YAP1: variants seen among roughly 807,000 people sequenced by gnomAD.
The protein encoded by YAP1 is Yes1 associated transcriptional regulator, also known as transcriptional coactivator YAP1.
Under a neutral mutation model 56.9 loss-of-function variants are expected in YAP1, and 5 were observed. The observed-to-expected ratio is 0.09, with a 90% confidence interval of 0.05 to 0.18. The LOEUF is 0.18. Ranked by LOEUF, YAP1 falls within the 10% of genes least tolerant of loss-of-function variation. YAP1 has a pLI of 1.00. For missense variants in YAP1, 539 were observed against 651.8 expected (o/e 0.83, Z 1.88); for synonymous variants, 265 against 248.1 (o/e 1.07, Z -0.64).
intron 3 of YAP1, among the ~76,000 whole-genome samples, chr11:102,180,949 C>T (rs143873275): frequency 0.044 from 6,655 of 151,646 alleles, 495 homozygotes; most frequent in African/African-American, 0.15. Context: ...GATTTCGAGA[C>T]CAGCCTGGGC....
At chr11:102,185,987 C>T in intron 3 of YAP1, 31 bp from the exon 4 acceptor site, 1 of 1,526,964 alleles carries the variant, frequency 6.5e-7, no homozygotes, top group Non-Finnish European at 8.8e-7. Flanking sequence ...AAATAAAAAC[C>T]ATGATTTTTT....
At chr11:102,186,650 C>G (rs1947964993) in intron 4 of YAP1, 1 of 152,524 alleles carries the variant, frequency 6.6e-6, no homozygotes, top group African/African-American at 2.4e-5. Context: ...TCTTCTGTCT[C>G]TCTCGAAAAA....
intron 2 of YAP1, among the ~76,000 whole-genome samples, chr11:102,138,316 C>G (rs1022481244): frequency 6.6e-6 from 1 of 152,210 alleles, no homozygotes; most frequent in African/African-American, 2.4e-5. Flanking sequence ...TCTGCTGATA[C>G]TGCCTGAAGT....
chr11:102,126,399 A>G (rs1309115525), intron 2 of YAP1, among the ~76,000 whole-genome samples: 50 of 152,178 alleles, frequency 3.3e-4, no homozygotes. Context: ...GTGGGAGGTA[A>G]TTGAATCACA....
At chr11:102,121,237 A>G (rs1305365968) in intron 2 of YAP1, among the ~76,000 whole-genome samples, 3 of 152,180 alleles carry the variant, frequency 2.0e-5, no homozygotes, top group Non-Finnish European at 4.4e-5. Context: ...CAGGAGTTGA[A>G]GACCAGCCTG....
rs1297627155 is a variant in YAP1 at position 102,231,230 on chromosome 11, C to G, written c.*1290C>G. 6.6e-6 allele frequency: 1 copy of G among 152,228 alleles called. No individual in the cohort carries two copies. The highest frequency in any genetic ancestry group is 2.4e-5 in the African/African-American group (1 of 41,454). The allele number at this position is 152,228 out of a possible 1,614,324, so 9.4% of individuals were successfully genotyped here. Reference sequence around the variant, plus strand: ...TCGATTGGAATTCAGTGAGTAGGTTCATAATGTGCATGACAGAAATAAGCT... The same window carrying G: ...TCGATTGGAATTCAGTGAGTAGGTTGATAATGTGCATGACAGAAATAAGCT... On this transcript the variant is annotated 3_prime_UTR_variant, in exon 9 of 9. Coordinates refer to ENST00000282441, the MANE Select transcript of YAP1 (RefSeq NM_001130145.3).
At chr11:102,132,065 C>T (rs1331597770) in intron 2 of YAP1, among the ~76,000 whole-genome samples, 2 of 152,040 alleles carry the variant, frequency 1.3e-5, no homozygotes, top group African/African-American at 4.8e-5. Flanking sequence ...TTGCAGTGAG[C>T]TGAGATCTCA....
intron 2 of YAP1, among the ~76,000 whole-genome samples, chr11:102,161,035 G>A (rs1327586968): frequency 6.9e-6 from 1 of 144,046 alleles, no homozygotes; most frequent in African/African-American, 2.6e-5. Context: ...CTTGGCCAGT[G>A]TCACCAATAA....
At chr11:102,186,376 C>T (rs983092542) in intron 4 of YAP1, 2 of 388,368 alleles carry the variant, frequency 5.1e-6, no homozygotes, top group Admixed American at 4.5e-5. Context: ...GGCCGACTAA[C>T]CAGAATCACT....
At chr11:102,111,266 G>C in intron 1 of YAP1, 97 bp downstream of exon 1, 3 of 1,460,404 alleles carry the variant, frequency 2.1e-6, no homozygotes, top group Non-Finnish European at 2.8e-6. Flanking sequence ...TCAGGGGAGG[G>C]GGGTTGCGGG....
At chr11:102,136,161 T>G (rs1278367597) in intron 2 of YAP1, among the ~76,000 whole-genome samples, 2 of 152,212 alleles carry the variant, frequency 1.3e-5, no homozygotes, top group East Asian at 3.9e-4. Context: ...TGGTTTTAAC[T>G]TACATTGCTT....
At chr11:102,156,460 T>C (rs560985373) in intron 2 of YAP1, among the ~76,000 whole-genome samples, 2 of 152,252 alleles carry the variant, frequency 1.3e-5, no homozygotes, top group African/African-American at 4.8e-5. Flanking sequence ...GCAGACTTTC[T>C]GTAACTAAAA....
In YAP1 at chr11:102,214,221, G is replaced by C. The variant is rs150780328; in HGVS notation, c.1032+4657G>C. 7.8e-3 allele frequency among the ~76,000 whole-genome samples: 1,189 copies of C among 152,316 alleles called. 21 individuals carry two copies. The highest frequency in any genetic ancestry group is 0.027 in the African/African-American group (1,121 of 41,584). On this transcript the variant is annotated intron_variant, in intron 6 of 8. Coordinates refer to ENST00000282441, the MANE Select transcript of YAP1 (RefSeq NM_001130145.3). ...TGGGGTTACTTTCATTTCTGGGCAA[G>C]TAATTGCTTCAATCTGTATAGAAAT...
chr11:102,184,893 G>T (rs569614608), intron 3 of YAP1, among the ~76,000 whole-genome samples: 2 of 152,186 alleles, frequency 1.3e-5, no homozygotes, highest in Non-Finnish European at 2.9e-5. Flanking sequence ...CTAGCTTTGG[G>T]ATCTTGTACC....
At chr11:102,133,817 G>A (rs1178787029) in intron 2 of YAP1, among the ~76,000 whole-genome samples, 3 of 152,140 alleles carry the variant, frequency 2.0e-5, no homozygotes, top group Admixed American at 6.5e-5. Context: ...TACTGTAGAC[G>A]GAGTGGCCCA....
intron 1 of YAP1, among the ~76,000 whole-genome samples, chr11:102,113,174 T>C (rs541768922): frequency 6.6e-6 from 1 of 152,322 alleles, no homozygotes; most frequent in East Asian, 1.9e-4. Context: ...TAGGAAATTC[T>C]AACTTTTTGA....
intron 6 of YAP1, among the ~76,000 whole-genome samples, chr11:102,217,773 T>A (rs897785681): frequency 3.9e-5 from 6 of 151,998 alleles, no homozygotes; most frequent in African/African-American, 1.5e-4. Context: ...TACCAGAACC[T>A]CTGCCTCCCG....
chr11:102,154,460 TA>T (rs1304604676), intron 2 of YAP1, among the ~76,000 whole-genome samples: 3 of 151,482 alleles, frequency 2.0e-5, no homozygotes, highest in African/African-American at 2.4e-5. Context: ...TTATTTTCTT[TA>T]AAAAAAAATT....
intron 2 of YAP1, among the ~76,000 whole-genome samples, chr11:102,124,644 C>T (rs908379975): frequency 3.9e-5 from 6 of 152,142 alleles, no homozygotes; most frequent in Non-Finnish European, 8.8e-5. Context: ...TCTTATCCCA[C>T]TATTTTCTTT....
Sources: allele counts gnomAD v4.1 joint callset (sites outside exome capture counted in the v4.1 genomes callset), GRCh38; gene constraint gnomAD v4.1.1; transcripts MANE v1.5; gene names NCBI Gene and HGNC (gene_info 2026-07-23, HGNC 2026-07-21).